Variants in XKR9 observed in about 807,000 individuals in gnomAD.
The protein encoded by XKR9 is XK-related protein 9.
Under a neutral mutation model 32.0 loss-of-function variants are expected in XKR9, and 32 were observed. The ratio of observed to expected loss-of-function variants is 1.00; its 90% confidence interval spans 0.76 to 1.34. XKR9 has a LOEUF of 1.34. Ranked by LOEUF, XKR9 falls within the 40% of genes most tolerant of loss-of-function variation. XKR9 has a pLI of 0.00. For synonymous variants in XKR9, 168 were observed against 143.4 expected, an observed-to-expected ratio of 1.17 and a Z score of -1.22; for missense variants, 546 against 429.7, an observed-to-expected ratio of 1.27 and a Z score of -2.39.
At chr8:70,974,444 C>T in the XKR9 span, among the ~76,000 whole-genome samples, 1 of 152,096 alleles carries the variant, frequency 6.6e-6, no homozygotes, top group African/African-American at 2.4e-5. Flanking sequence ...GCCCTGTGTC[C>T]AAGTGTTCTT....
At chr8:70,697,257 G>A (rs1805315533) in intron 3 of XKR9, among the ~76,000 whole-genome samples, 1 of 151,786 alleles carries the variant, frequency 6.6e-6, no homozygotes, top group Non-Finnish European at 1.5e-5. Flanking sequence ...TCCCTGTCTT[G>A]TGCCAGTTTT....
rs1320876905 is a variant in XKR9, at chr8:70,681,083, A to G, written c.25A>G (p.Met9Val). The change falls in exon 3 of 5, where the codon ATG becomes GTG. Residue 9 changes from methionine to valine, a missense_variant. Transcript: ENST00000408926. Reference sequence around the variant, plus strand: ...AATGAAATATACTAAACAGAATTTTATGATGTCAGTTCTTGGCATTATAAT... The same window carrying G: ...AATGAAATATACTAAACAGAATTTTGTGATGTCAGTTCTTGGCATTATAAT... The part of the protein sequence containing the change: MKYTKQNF[M>V]MSVLGIIIYV... 1.2e-6 allele frequency: 2 copies of G among 1,612,354 alleles called. No homozygotes were observed. The highest frequency in any genetic ancestry group is 8.5e-7 in the Non-Finnish European group (1 of 1,178,968).
intron 4 of XKR9, among the ~76,000 whole-genome samples, chr8:70,714,888 G>A (rs1325251799): frequency 2.0e-5 from 3 of 152,108 alleles, no homozygotes; most frequent in African/African-American, 4.8e-5. Flanking sequence ...GATTGGACAA[G>A]GTCATTTTAG....
At chr8:70,930,732 G>A in the XKR9 span, among the ~76,000 whole-genome samples, 17 of 152,144 alleles carry the variant, frequency 1.1e-4, no homozygotes, top group South Asian at 2.1e-4. Flanking sequence ...GGTTCATGGC[G>A]TGGCTCAGGG....
At chr8:70,954,288 C>T in the XKR9 span, among the ~76,000 whole-genome samples, 1 of 152,082 alleles carries the variant, frequency 6.6e-6, no homozygotes, top group African/African-American at 2.4e-5. Context: ...TGGGAGCTCT[C>T]ATAGTTTTCT....
intron 2 of XKR9, among the ~76,000 whole-genome samples, chr8:70,757,367 C>A (rs143394672): frequency 0.012 from 1,756 of 152,040 alleles, 30 homozygotes; most frequent in African/African-American, 0.038. Context: ...TTCCAGTTTG[C>A]AAGTTCTTTT....
intron 2 of XKR9, among the ~76,000 whole-genome samples, chr8:70,764,727 G>A (rs1286887828): frequency 6.6e-6 from 1 of 152,046 alleles, no homozygotes; most frequent in Admixed American, 6.6e-5. Context: ...TTCTCCTAAT[G>A]CTATCCCTCC....
chr8:70,792,365 G>A (rs1284598874), downstream of XKR9, among the ~76,000 whole-genome samples: 1 of 152,082 alleles, frequency 6.6e-6, no homozygotes, highest in African/African-American at 2.4e-5. Context: ...GGCGTGAGTT[G>A]CCTCAAAGTT....
chr8:70,942,164 A>C, the XKR9 span, among the ~76,000 whole-genome samples: 1 of 152,192 alleles, frequency 6.6e-6, no homozygotes, highest in Non-Finnish European at 1.5e-5. Flanking sequence ...ATGAAAGTTA[A>C]GAAATTGTCA....
At chr8:70,755,490 C>T (rs1258903671) in intron 2 of XKR9, among the ~76,000 whole-genome samples, 1 of 152,062 alleles carries the variant, frequency 6.6e-6, no homozygotes, top group Non-Finnish European at 1.5e-5. Flanking sequence ...TTCACAATAG[C>T]AAAGACTTGG....
the XKR9 span, among the ~76,000 whole-genome samples, chr8:71,007,656 C>T: frequency 6.6e-6 from 1 of 151,792 alleles, no homozygotes. Flanking sequence ...TTAAAATATA[C>T]ATTATTAAAA....
the XKR9 span, among the ~76,000 whole-genome samples, chr8:70,931,148 T>TAA: frequency 3.9e-4 from 55 of 141,218 alleles, no homozygotes; most frequent in East Asian, 1.0e-3. Context: ...CAAGCTTAAG[T>TAA]AAAAAAAAAA....
intron 2 of XKR9, among the ~76,000 whole-genome samples, chr8:70,744,375 TTC>T (rs1319358217): frequency 1.3e-5 from 2 of 152,124 alleles, no homozygotes; most frequent in African/African-American, 4.8e-5. Flanking sequence ...TAACATTTAG[TTC>T]TCTCTCATCC....
At chr8:70,699,731 C>T (rs186140734) in intron 3 of XKR9, among the ~76,000 whole-genome samples, 187 of 152,232 alleles carry the variant, frequency 1.2e-3, no homozygotes, top group Non-Finnish European at 2.2e-3. Context: ...TGTTGGCCTG[C>T]CTTGCTAGAT....
At chr8:71,044,305 A>T in the XKR9 span, among the ~76,000 whole-genome samples, 1 of 152,202 alleles carries the variant, frequency 6.6e-6, no homozygotes, top group Non-Finnish European at 1.5e-5. Flanking sequence ...CTGGCCAGGT[A>T]GTTCTTTCAG....
chr8:70,809,987 G>A, the XKR9 span, among the ~76,000 whole-genome samples: 12 of 152,236 alleles, frequency 7.9e-5, no homozygotes, highest in African/African-American at 2.6e-4. Context: ...ACACATAATT[G>A]TCAAATTCAC....
At chr8:70,742,485 G>T (rs1807002092) in intron 2 of XKR9, among the ~76,000 whole-genome samples, 1 of 152,116 alleles carries the variant, frequency 6.6e-6, no homozygotes. Flanking sequence ...AAGTGAAAGT[G>T]TTCTTCGTTT....
intron 1 of XKR9, among the ~76,000 whole-genome samples, chr8:70,670,385 G>T (rs1451829684): frequency 6.6e-6 from 1 of 152,170 alleles, no homozygotes; most frequent in Non-Finnish European, 1.5e-5. Context: ...CATAAAAAAA[G>T]TTGAGTTATA....
At chr8:70,982,038 G>C in the XKR9 span, among the ~76,000 whole-genome samples, 1 of 152,256 alleles carries the variant, frequency 6.6e-6, no homozygotes, top group Non-Finnish European at 1.5e-5. Context: ...TGCACTGGTG[G>C]AGGTAGCAGG....
Sources: gnomAD v4.1 joint callset for allele counts (sites outside exome capture counted in the v4.1 genomes callset) on GRCh38, gnomAD v4.1.1 for gene constraint, MANE v1.5 for transcripts, NCBI Gene and HGNC (gene_info 2026-07-23, HGNC 2026-07-21) for gene names.